The following STK40 variants were observed in gnomAD, a reference collection of about 807,000 sequenced individuals.
STK40 encodes the protein serine/threonine kinase 40.
In STK40, 13 loss-of-function variants were observed where a neutral mutation model predicts 47.9. That is an observed-to-expected ratio of 0.27 (90% CI 0.18 to 0.43). The LOEUF is 0.43. Among genes scored for constraint, STK40 ranks in the 20% least tolerant of loss-of-function variants. The pLI is 1.00. For synonymous variants in STK40, 225 were observed against 243.2 expected, an observed-to-expected ratio of 0.93 and a Z score of 0.69; for missense variants, 460 against 595.1, an observed-to-expected ratio of 0.77 and a Z score of 2.36.
In STK40 at chr1:36,363,387, T is replaced by C. The variant is rs147295456; in HGVS notation, c.-8-2047A>G. ...CTGTAAAAAACAAAACAAAAACCCA[T>C]TAACATCCCTGCATCACAATATTCT... On this transcript the variant is annotated intron_variant, in intron 1 of 10. Transcript: ENST00000373132. Among the ~76,000 whole-genome samples the C allele has an allele frequency of 4.9e-3, 744 of 152,156 alleles. 2 individuals carry two copies. Among genetic ancestry groups the C allele is most frequent in the Non-Finnish European group, 7.6e-3 (518 of 67,994 alleles).
intron 1 of STK40, among the ~76,000 whole-genome samples, chr1:36,368,600 T>A (rs549477331): frequency 6.6e-6 from 1 of 152,190 alleles, no homozygotes; most frequent in African/African-American, 2.4e-5. Context: ...AATCTAATCA[T>A]GAAACAAACC....
chr1:36,377,076 G>T (rs2124751714), intron 1 of STK40, among the ~76,000 whole-genome samples: 1 of 152,092 alleles, frequency 6.6e-6, no homozygotes, highest in South Asian at 2.1e-4. Context: ...CAGCCTAGAA[G>T]AAATTTAAGT....
Position 36,341,951 on chromosome 1 carries a change from G to A in STK40, c.1112C>T (p.Ser371Phe). The stretch of plus-strand genomic sequence containing the variant: ...CATGTAGTTCTCAAACTCGTACTGG[G>A]AGCACTCCTCCGTCACCTTCGCCTT... The part of the protein sequence containing the change: ...SQEAKVTEEC[S>F]QYEFENYMRQ... The change falls in exon 11 of 11, where the codon TCC (serine) becomes TTC (phenylalanine). Residue 371 changes from serine (S) to phenylalanine (F), a missense_variant. Ser to Phe is a radical substitution (Grantham distance 155). Transcript: ENST00000373132. 6.2e-7 allele frequency: 1 copy of A among 1,613,806 alleles called. No individual in the cohort carries two copies. The highest frequency in any genetic ancestry group is 8.5e-7 in the Non-Finnish European group (1 of 1,179,862).
At chr1:36,374,726 T>C (rs1057173448) in intron 1 of STK40, among the ~76,000 whole-genome samples, 6 of 152,186 alleles carry the variant, frequency 3.9e-5, no homozygotes, top group Admixed American at 6.5e-5. Context: ...TTAGGGATGT[T>C]TGCGGTGGCC....
chr1:36,367,498 C>A (rs940711074), intron 1 of STK40, among the ~76,000 whole-genome samples: 7 of 152,200 alleles, frequency 4.6e-5, no homozygotes, highest in African/African-American at 1.7e-4. Flanking sequence ...GAGCCCAGAT[C>A]TCCCAGCAAG....
intron 9 of STK40, 106 bp downstream of exon 9, chr1:36,343,752 ACT>A (rs1646674891): frequency 6.8e-7 from 1 of 1,466,480 alleles, no homozygotes; most frequent in Non-Finnish European, 9.0e-7. Context: ...TGGAAATCTG[ACT>A]CTAACTGGCA....
intron 1 of STK40, among the ~76,000 whole-genome samples, chr1:36,380,538 T>C (rs771762743): frequency 1.2e-4 from 19 of 152,146 alleles, no homozygotes; most frequent in Non-Finnish European, 1.8e-4. Context: ...GCAAATCCAA[T>C]TTCCAGACCT....
intron 4 of STK40, among the ~76,000 whole-genome samples, chr1:36,356,308 G>A (rs1348449747): frequency 6.6e-6 from 1 of 152,116 alleles, no homozygotes; most frequent in Non-Finnish European, 1.5e-5. Context: ...ACAAAAAACA[G>A]GGGGACTTCA....
At chr1:36,383,465 T>C (rs1175173978) in intron 1 of STK40, among the ~76,000 whole-genome samples, 1 of 152,244 alleles carries the variant, frequency 6.6e-6, no homozygotes, top group Non-Finnish European at 1.5e-5. Context: ...GCTTGCCATC[T>C]GGCACTGGTT....
At chr1:36,350,945 G>GCCA in intron 6 of STK40, among the ~76,000 whole-genome samples, 1 of 152,286 alleles carries the variant, frequency 6.6e-6, no homozygotes, top group South Asian at 2.1e-4. Context: ...CCCCTGCCCT[G>GCCA]CCACCACCAC....
intron 7 of STK40, among the ~76,000 whole-genome samples, chr1:36,348,299 C>T (rs1646721848): frequency 6.6e-6 from 1 of 152,268 alleles, no homozygotes; most frequent in African/African-American, 2.4e-5. Flanking sequence ...GGCTCACTTT[C>T]TGAGCAGCCT....
intron 1 of STK40, among the ~76,000 whole-genome samples, chr1:36,378,670 G>GA (rs1397860422): frequency 6.6e-6 from 1 of 152,142 alleles, no homozygotes; most frequent in East Asian, 1.9e-4. Flanking sequence ...TGTTGGCCAG[G>GA]ATGGTCTCGA....
intron 1 of STK40, among the ~76,000 whole-genome samples, chr1:36,364,293 A>G (rs1490708183): frequency 1.3e-5 from 2 of 152,142 alleles, no homozygotes; most frequent in Non-Finnish European, 2.9e-5. Flanking sequence ...TACAAGGGGG[A>G]CATGTTTTTA....
rs61525539 is a variant in STK40 at position 36,355,182 on chromosome 1, C to T, written c.570+24G>A. On this transcript the variant is annotated intron_variant, in intron 5 of 10. Coordinates refer to ENST00000373132, the MANE Select transcript of STK40 (RefSeq NM_001282547.2). The stretch of plus-strand genomic sequence containing the variant: ...AAGGTGGCTTTCTGTGGCCAGAAGG[C>T]GCAGCAGCAGGGTGTGGCCTCACCT... 7,339 of 1,609,730 alleles carry T rather than the reference C, an allele frequency of 4.6e-3. 239 individuals carry two copies. The African/African-American group carries it at 0.076, about 17-fold the overall frequency.
chr1:36,381,010 C>T (rs1490085976), intron 1 of STK40, among the ~76,000 whole-genome samples: 2 of 152,156 alleles, frequency 1.3e-5, no homozygotes, highest in Non-Finnish European at 2.9e-5. Context: ...CTCAAGGTTA[C>T]CTGTCACCAT....
intron 7 of STK40, among the ~76,000 whole-genome samples, chr1:36,345,663 C>T (rs1346474692): frequency 2.0e-5 from 3 of 152,138 alleles, no homozygotes; most frequent in Non-Finnish European, 2.9e-5. Flanking sequence ...ACTTGTACCA[C>T]CATTCTTAGC....
chr1:36,362,535 C>T (rs913955038), intron 1 of STK40: 1 of 152,114 alleles, frequency 6.6e-6, no homozygotes, highest in Non-Finnish European at 1.5e-5. Context: ...GAGAGGTGGC[C>T]CAGGATAGAG....
intron 4 of STK40, 130 bp from the exon 5 acceptor site, chr1:36,355,563 G>T: frequency 1.0e-6 from 1 of 997,176 alleles, no homozygotes; most frequent in Non-Finnish European, 1.5e-6. Context: ...GCATGTGCGG[G>T]CCAGAGAGGA....
At chr1:36,349,056 G>A (rs1459749200) in intron 6 of STK40, among the ~76,000 whole-genome samples, 1 of 152,194 alleles carries the variant, frequency 6.6e-6, no homozygotes, top group African/African-American at 2.4e-5. Context: ...TCTCTCCCAG[G>A]TATCTGAGTG....
Sources: allele counts gnomAD v4.1 joint callset (sites outside exome capture counted in the v4.1 genomes callset), GRCh38; gene constraint gnomAD v4.1.1; transcripts MANE v1.5; gene names NCBI Gene and HGNC (gene_info 2026-07-23, HGNC 2026-07-21).